Variants in CNTN5 observed in about 807,000 individuals in gnomAD.
CNTN5 encodes contactin-5.
In CNTN5, 77 loss-of-function variants were observed where a neutral mutation model predicts 129.1. The ratio of observed to expected loss-of-function variants is 0.60; its 90% confidence interval spans 0.50 to 0.72. CNTN5 has a LOEUF of 0.72. Among genes scored for constraint, CNTN5 ranks in the 30% least tolerant of loss-of-function variants. The pLI is 0.00. For missense variants in CNTN5, 1,478 were observed against 1,328.8 expected (o/e 1.11, Z -1.75); for synonymous variants, 509 against 465.6 (o/e 1.09, Z -1.20).
intron 9 of CNTN5, among the ~76,000 whole-genome samples, chr11:100,053,471 T>C (rs1219382712): frequency 2.6e-5 from 4 of 151,708 alleles, no homozygotes; most frequent in Non-Finnish European, 4.4e-5. Flanking sequence ...ACATCCAAAG[T>C]AGCTCCAAGT....
intron 18 of CNTN5, among the ~76,000 whole-genome samples, chr11:100,285,796 C>T (rs889443259): frequency 1.3e-5 from 2 of 152,176 alleles, no homozygotes; most frequent in African/African-American, 4.8e-5. Context: ...CAGCTCCCAG[C>T]GTGAGCGACG....
At chr11:100,157,510 T>TAA (rs57879098) in intron 13 of CNTN5, among the ~76,000 whole-genome samples, 31 of 146,912 alleles carry the variant, frequency 2.1e-4, no homozygotes, top group African/African-American at 4.9e-4. Context: ...CTCAATCTTG[T>TAA]AAAAAAAAAA....
At chr11:99,941,673 G>A (rs1950441523) in intron 7 of CNTN5, among the ~76,000 whole-genome samples, 1 of 150,318 alleles carries the variant, frequency 6.7e-6, no homozygotes, top group African/African-American at 2.5e-5. Flanking sequence ...ACCTCCCACA[G>A]GGAGTCATTT....
At chr11:99,903,244 G>A (rs182783549) in intron 6 of CNTN5, among the ~76,000 whole-genome samples, 7 of 151,836 alleles carry the variant, frequency 4.6e-5, no homozygotes, top group Admixed American at 1.3e-4. Context: ...ACACATATGC[G>A]AACAGCATAA....
intron 17 of CNTN5, among the ~76,000 whole-genome samples, chr11:100,258,098 C>G (rs955425496): frequency 2.0e-5 from 3 of 152,086 alleles, no homozygotes; most frequent in Admixed American, 6.5e-5. Context: ...CATAAATGAC[C>G]TGATGGAACT....
chr11:99,137,604 T>C (rs1219391715), intron 1 of CNTN5, among the ~76,000 whole-genome samples: 1 of 152,188 alleles, frequency 6.6e-6, no homozygotes, highest in African/African-American at 2.4e-5. Flanking sequence ...AAAAATTATC[T>C]AAAGGTATAA....
rs1947794434 is a variant in CNTN5, at chr11:99,533,618, A to C, written c.-70-22527A>C. 3.3e-5 allele frequency among the ~76,000 whole-genome samples: 5 copies of C among 152,158 alleles called. No individual in the cohort carries two copies. In the South Asian group the frequency reaches 1.0e-3, roughly 31 times the overall value. ...CCAGCTAGCCCTCTTCCACCCATACACTTACACTCAGGGCAGAGCAGGAGG... is the reference window on the plus strand; with the variant it reads ...CCAGCTAGCCCTCTTCCACCCATACCCTTACACTCAGGGCAGAGCAGGAGG... On this transcript the variant is annotated intron_variant, in intron 2 of 24. Coordinates refer to ENST00000524871, the MANE Select transcript of CNTN5 (RefSeq NM_014361.4).
chr11:99,237,178 C>T (rs1259069515), intron 1 of CNTN5, among the ~76,000 whole-genome samples: 1 of 151,874 alleles, frequency 6.6e-6, no homozygotes, highest in East Asian at 1.9e-4. Flanking sequence ...AAATATATAT[C>T]TACTCTTTTT....
At chr11:100,031,042 A>G (rs1941682933) in intron 9 of CNTN5, among the ~76,000 whole-genome samples, 1 of 152,136 alleles carries the variant, frequency 6.6e-6, no homozygotes, top group South Asian at 2.1e-4. Context: ...TACACTTTCC[A>G]CTGCACAGTC....
intron 2 of CNTN5, among the ~76,000 whole-genome samples, chr11:99,403,959 G>A (rs34668255): frequency 0.75 from 113,362 of 152,040 alleles, 43,119 homozygotes; most frequent in African/African-American, 0.9. Context: ...GGGTGTTTAA[G>A]TCTCCAACTA....
At chr11:99,560,834 A>T (rs2135549879) in intron 3 of CNTN5, among the ~76,000 whole-genome samples, 1 of 152,320 alleles carries the variant, frequency 6.6e-6, no homozygotes, top group African/African-American at 2.4e-5. Flanking sequence ...GTGGGAGATT[A>T]CAATAAGCAA....
At chr11:99,636,353 G>T (rs1951553617) in intron 3 of CNTN5, among the ~76,000 whole-genome samples, 1 of 148,954 alleles carries the variant, frequency 6.7e-6, no homozygotes, top group Middle Eastern at 3.2e-3. Context: ...ATAGAGGAAA[G>T]TTGTTAATCA....
At chr11:100,123,809 T>G (rs1337804303) in intron 13 of CNTN5, among the ~76,000 whole-genome samples, 2 of 152,006 alleles carry the variant, frequency 1.3e-5, no homozygotes, top group African/African-American at 2.4e-5. Context: ...ACTATAAAAT[T>G]GAGTTAACCA....
intron 2 of CNTN5, among the ~76,000 whole-genome samples, chr11:99,371,526 T>C (rs1939823705): frequency 6.6e-6 from 1 of 152,126 alleles, no homozygotes; most frequent in Admixed American, 6.5e-5. Context: ...TTCAGTAATC[T>C]GGAGTAAGGA....
intron 13 of CNTN5, among the ~76,000 whole-genome samples, chr11:100,120,562 T>C (rs1230792074): frequency 1.3e-5 from 2 of 151,964 alleles, no homozygotes; most frequent in African/African-American, 4.8e-5. Flanking sequence ...TTTTCACAAC[T>C]GGAATACCTA....
intron 21 of CNTN5, among the ~76,000 whole-genome samples, chr11:100,317,681 T>G (rs970341292): frequency 6.6e-6 from 1 of 152,214 alleles, no homozygotes; most frequent in Non-Finnish European, 1.5e-5. Context: ...TTTCAATTGT[T>G]TAACCTGTTC....
intron 6 of CNTN5, among the ~76,000 whole-genome samples, chr11:99,847,576 G>A (rs1304541206): frequency 6.6e-6 from 1 of 152,114 alleles, no homozygotes; most frequent in Non-Finnish European, 1.5e-5. Context: ...AAAGCAGACA[G>A]TTACCCAGGG....
intron 13 of CNTN5, among the ~76,000 whole-genome samples, chr11:100,102,698 C>T (rs1945272165): frequency 6.6e-6 from 1 of 152,044 alleles, no homozygotes; most frequent in African/African-American, 2.4e-5. Flanking sequence ...AAAGACATTA[C>T]TAAAATGTGT....
At chr11:99,428,559 CA>C (rs60754666) in intron 2 of CNTN5, among the ~76,000 whole-genome samples, 1,445 of 57,286 alleles carry the variant, frequency 0.025, 4 homozygotes, top group African/African-American at 0.065. Context: ...GACCCTGTCT[CA>C]AAAAAAAAAA....
Sources: gnomAD v4.1 joint callset for allele counts (sites outside exome capture counted in the v4.1 genomes callset) on GRCh38, gnomAD v4.1.1 for gene constraint, MANE v1.5 for transcripts, NCBI Gene and HGNC (gene_info 2026-07-23, HGNC 2026-07-21) for gene names.